Variants in PUM3 observed in about 807,000 individuals in gnomAD.
PUM3 encodes the protein pumilio homolog 3.
PUM3 carries 91 observed loss-of-function variants against 84.0 expected under a neutral mutation model. That is an observed-to-expected ratio of 1.08 (90% CI 0.91 to 1.29). PUM3 has a LOEUF of 1.29. Ranked by LOEUF, PUM3 falls within the 50% of genes most tolerant of loss-of-function variation. The pLI, the probability that PUM3 is intolerant of heterozygous loss-of-function variation, is 0.00. For missense variants in PUM3, 1,067 were observed against 767.5 expected (o/e 1.39, Z -4.61); for synonymous variants, 321 against 266.7 (o/e 1.20, Z -1.98).
At chr9:2,842,668 T>G (rs566244815) in intron 1 of PUM3, among the ~76,000 whole-genome samples, 2 of 152,318 alleles carry the variant, frequency 1.3e-5, no homozygotes, top group Admixed American at 1.3e-4. Flanking sequence ...TGGCTTTTTA[T>G]GCTGAGTACT....
chr9:2,826,459 C>A (rs1282397752), intron 10 of PUM3, among the ~76,000 whole-genome samples: 1 of 150,172 alleles, frequency 6.7e-6, no homozygotes, highest in African/African-American at 2.5e-5. Context: ...TATAGTCTGG[C>A]GTTATTTGTT....
At chr9:2,825,036 C>G (rs746404009) in intron 10 of PUM3, among the ~76,000 whole-genome samples, 74 of 152,102 alleles carry the variant, frequency 4.9e-4, no homozygotes, top group Non-Finnish European at 9.4e-4. Context: ...CAGACAATAT[C>G]TATTAAAAAC....
At chr9:2,812,130 G>T (rs989776684) in intron 14 of PUM3, 90 bp downstream of exon 14, 12 of 1,059,488 alleles carry the variant, frequency 1.1e-5, no homozygotes, top group Non-Finnish European at 1.6e-5. Flanking sequence ...TTTTAGAGAG[G>T]GTATGGATGG....
intron 5 of PUM3, among the ~76,000 whole-genome samples, chr9:2,832,297 T>TTACATTTATTTCAACCTCA (rs1367984267): frequency 6.6e-6 from 1 of 152,190 alleles, no homozygotes; most frequent in African/African-American, 2.4e-5. Context: ...GAATGAGCTG[T>TTACATTTATTTCAACCTCA]TACTATTCCC....
chr9:2,828,409 T>G, intron 9 of PUM3: 2 of 344,808 alleles, frequency 5.8e-6, no homozygotes, highest in Non-Finnish European at 5.3e-6. Context: ...CATGTAACAT[T>G]TTATTTGGGG....
chr9:2,806,030 C>T (rs974210178), intron 17 of PUM3, among the ~76,000 whole-genome samples: 1 of 152,174 alleles, frequency 6.6e-6, no homozygotes, highest in South Asian at 2.1e-4. Context: ...CCATTTAGAA[C>T]TTCAAATATT....
At chr9:2,831,424 A>G (rs1794014834) in intron 5 of PUM3, 80 bp from the exon 6 acceptor site, 6 of 878,992 alleles carry the variant, frequency 6.8e-6, no homozygotes, top group African/African-American at 3.4e-5. Flanking sequence ...CTCTTCTGGA[A>G]TTTCTTGTTA....
intron 7 of PUM3, 131 bp from the exon 8 acceptor site, chr9:2,830,079 C>T: frequency 1.5e-6 from 1 of 686,298 alleles, no homozygotes; most frequent in Non-Finnish European, 2.4e-6. Flanking sequence ...AGCTAGCATG[C>T]ATTGAGAAGC....
chr9:2,829,188 G>A (rs1020278964), intron 8 of PUM3, among the ~76,000 whole-genome samples: 5 of 152,206 alleles, frequency 3.3e-5, no homozygotes, highest in African/African-American at 1.2e-4. Context: ...GCTAATGGAG[G>A]CAACCCGGGA....
In PUM3 at chr9:2,831,733, T is replaced by C. The variant is rs1815987126; in HGVS notation, c.517-389A>G. On this transcript the variant is annotated intron_variant, in intron 5 of 17. Coordinates refer to ENST00000397885, the MANE Select transcript of PUM3 (RefSeq NM_014878.5). ...AAGGTCTGTTACTGTATGATTTTTATATAAGTGATCTAAGAATGTTTGGCT... is the reference window on the plus strand; with the variant it reads ...AAGGTCTGTTACTGTATGATTTTTACATAAGTGATCTAAGAATGTTTGGCT... 2.6e-5 allele frequency among the ~76,000 whole-genome samples: 4 copies of C among 152,216 alleles called. No homozygotes were observed. In the South Asian group the frequency reaches 6.2e-4, roughly 24 times the overall value.
intron 13 of PUM3, among the ~76,000 whole-genome samples, chr9:2,817,366 T>C (rs987424255): frequency 6.6e-6 from 1 of 152,184 alleles, no homozygotes; most frequent in African/African-American, 2.4e-5. Flanking sequence ...TAATGGTTTT[T>C]ACATTTCAAA....
rs906334589 is a variant in PUM3, at chr9:2,844,088, G to C, written c.-54C>G. ...ACAGCTCGCGCAGCGGATCCCGACCGCCTCTCCGCTTCCGCTTCCTTGCCT... is the reference window on the plus strand; with the variant it reads ...ACAGCTCGCGCAGCGGATCCCGACCCCCTCTCCGCTTCCGCTTCCTTGCCT... On this transcript the variant is annotated 5_prime_UTR_variant, in exon 1 of 18. Coordinates refer to ENST00000397885, the MANE Select transcript of PUM3 (RefSeq NM_014878.5). 1 of 161,196 alleles carries C rather than the reference G, an allele frequency of 6.2e-6. No individual in the cohort carries two copies. Among genetic ancestry groups the C allele is most frequent in the African/African-American group, 2.4e-5 (1 of 41,436 alleles). 10.0% of individuals were successfully genotyped at this position (161,196 alleles called of 1,614,324 possible).
chr9:2,828,044 T>C (rs1485034760), intron 9 of PUM3, among the ~76,000 whole-genome samples: 1 of 152,132 alleles, frequency 6.6e-6, no homozygotes, highest in African/African-American at 2.4e-5. Context: ...TTTTTAATTT[T>C]TTTTTATTTT....
intron 17 of PUM3, among the ~76,000 whole-genome samples, chr9:2,807,195 G>A (rs1277429751): frequency 1.3e-5 from 2 of 151,584 alleles, no homozygotes; most frequent in Non-Finnish European, 2.9e-5. Context: ...GCGACAGTGT[G>A]AGACTCCATC....
chr9:2,827,892 T>C (rs938017097), intron 9 of PUM3, among the ~76,000 whole-genome samples: 22 of 152,156 alleles, frequency 1.4e-4, no homozygotes, highest in Admixed American at 9.2e-4. Flanking sequence ...TTGCCAAAGA[T>C]TGCAGTTAGT....
intron 12 of PUM3, among the ~76,000 whole-genome samples, chr9:2,823,084 A>C (rs921392665): frequency 3.3e-4 from 50 of 152,096 alleles, no homozygotes; most frequent in African/African-American, 1.2e-3. Flanking sequence ...TTATCCATCA[A>C]ATATATAAAG....
At chr9:2,830,029 A>C in intron 7 of PUM3, 81 bp from the exon 8 acceptor site, 1 of 1,229,672 alleles carries the variant, frequency 8.1e-7, no homozygotes, top group Non-Finnish European at 1.2e-6. Context: ...ACTTCTCCCA[A>C]GACCAACTCA....
At chr9:2,829,742 A>G (rs1366277835) in intron 8 of PUM3, 32 bp downstream of exon 8, 5 of 1,579,320 alleles carry the variant, frequency 3.2e-6, no homozygotes, top group Non-Finnish European at 4.3e-6. Context: ...CGAAAAGTAA[A>G]AATACTAGAA....
At chr9:2,840,532 T>C (rs1563837411) in intron 1 of PUM3, among the ~76,000 whole-genome samples, 1 of 152,250 alleles carries the variant, frequency 6.6e-6, no homozygotes, top group African/African-American at 2.4e-5. Context: ...TTATTACTTT[T>C]GCCTTTGTTA....
Sources: gnomAD v4.1 joint callset for allele counts (sites outside exome capture counted in the v4.1 genomes callset) on GRCh38, gnomAD v4.1.1 for gene constraint, MANE v1.5 for transcripts, NCBI Gene and HGNC (gene_info 2026-07-23, HGNC 2026-07-21) for gene names.